TMPRSS15: variants seen among roughly 807,000 people sequenced by gnomAD.
TMPRSS15 encodes the protein transmembrane serine protease 15, also known as enteropeptidase.
TMPRSS15 carries 128 observed loss-of-function variants against 125.3 expected under a neutral mutation model. The ratio of observed to expected loss-of-function variants is 1.02; its 90% confidence interval spans 0.89 to 1.18. TMPRSS15 has a LOEUF of 1.18. Ranked by LOEUF, TMPRSS15 falls within the 50% of genes most tolerant of loss-of-function variation. TMPRSS15 has a pLI of 0.00. For synonymous variants in TMPRSS15, 446 were observed against 423.2 expected (o/e 1.05, Z -0.66); for missense variants, 1,283 against 1,212.7 (o/e 1.06, Z -0.86).
intron 1 of TMPRSS15, among the ~76,000 whole-genome samples, chr21:18,434,966 C>A (rs1464948447): frequency 6.6e-6 from 1 of 151,962 alleles, no homozygotes; most frequent in Non-Finnish European, 1.5e-5. Flanking sequence ...AAATTTTTTT[C>A]ATCCTTGATG....
At chr21:18,318,886 T>A (rs908986506) in intron 16 of TMPRSS15, among the ~76,000 whole-genome samples, 1 of 152,234 alleles carries the variant, frequency 6.6e-6, no homozygotes, top group Admixed American at 6.5e-5. Flanking sequence ...TGGTGAAATG[T>A]CTTTCACAAA....
intron 21 of TMPRSS15, among the ~76,000 whole-genome samples, chr21:18,287,762 A>G (rs568801639): frequency 6.6e-6 from 1 of 152,354 alleles, no homozygotes; most frequent in African/African-American, 2.4e-5. Context: ...ACCTCTAATA[A>G]AGACATAAAT....
In TMPRSS15 at chr21:18,329,285, A is replaced by G. The variant is rs2075321891; in HGVS notation, c.1664T>C (p.Ile555Thr). ...SYPNLAFCVW[I>T]LNAQKGKNIQ... is the part of the protein sequence containing the mutation. ...ATTCTTTCCTTTTTGTGCATTTAAAATCCAAACACCTAAAAAGTAAGAAGT... is the reference window on the plus strand; with the variant it reads ...ATTCTTTCCTTTTTGTGCATTTAAAGTCCAAACACCTAAAAAGTAAGAAGT... The change falls in exon 15 of 25, where the codon ATT (isoleucine) becomes ACT (threonine). Residue 555 changes from isoleucine to threonine, a missense_variant. By Grantham distance (89) the Ile-to-Thr change is moderately conservative (BLOSUM62 -1). Coordinates refer to ENST00000284885, the MANE Select transcript of TMPRSS15 (RefSeq NM_002772.3). 6.2e-7 allele frequency: 1 copy of G among 1,610,034 alleles called. No homozygotes were observed. Among genetic ancestry groups the G allele is most frequent in the Non-Finnish European group, 8.5e-7 (1 of 1,177,822 alleles).
intron 5 of TMPRSS15, among the ~76,000 whole-genome samples, chr21:18,372,556 C>T (rs2075802572): frequency 6.6e-6 from 1 of 152,138 alleles, no homozygotes. Flanking sequence ...CAACATCTAG[C>T]AGCCACTTCA....
At chr21:18,427,339 C>G (rs759751722) in intron 1 of TMPRSS15, among the ~76,000 whole-genome samples, 4 of 147,916 alleles carry the variant, frequency 2.7e-5, no homozygotes, top group Non-Finnish European at 6.0e-5. Flanking sequence ...CTCTAAGCCA[C>G]ACACACTTAT....
chr21:18,478,048 C>T (rs1432557200), intron 1 of TMPRSS15, among the ~76,000 whole-genome samples: 1 of 152,014 alleles, frequency 6.6e-6, no homozygotes, highest in East Asian at 1.9e-4. Flanking sequence ...CTAATCCTAC[C>T]TTGGGTCCGT....
intron 5 of TMPRSS15, among the ~76,000 whole-genome samples, chr21:18,373,575 C>T (rs958089142): frequency 6.6e-6 from 1 of 152,172 alleles, no homozygotes; most frequent in Non-Finnish European, 1.5e-5. Flanking sequence ...GAATCTCATA[C>T]ATGCTTTATA....
intron 1 of TMPRSS15, among the ~76,000 whole-genome samples, chr21:18,452,193 T>C (rs770313103): frequency 2.6e-5 from 4 of 152,126 alleles, no homozygotes; most frequent in Non-Finnish European, 5.9e-5. Context: ...GTTAGTAACA[T>C]ATTTAAGGCA....
rs2122954369 is a variant in TMPRSS15 at position 18,464,107 on chromosome 21, A to AGCTT, written c.10+21688_10+21691dup. Among the ~76,000 whole-genome samples, 535 of 143,832 alleles carry AGCTT rather than the reference A, an allele frequency of 3.7e-3. 2 individuals are homozygous for AGCTT. Among genetic ancestry groups the AGCTT allele is most frequent in the African/African-American group, 0.013 (517 of 39,108 alleles). 94.4% of individuals were successfully genotyped at this position (143,832 alleles called of 152,430 possible). ...AGAATGGCATGAACCCGGGAGGCAG[A>AGCTT]GCTTGCAGTGAGCTGAGATCGTGCC... On this transcript the variant is annotated intron_variant, in intron 1 of 7. Transcript: ENST00000422787.
At chr21:18,381,614 A>G (rs2824788) in intron 4 of TMPRSS15, among the ~76,000 whole-genome samples, 16,441 of 152,182 alleles carry the variant, frequency 0.11, 951 homozygotes, top group African/African-American at 0.13. Flanking sequence ...TACATTTGTG[A>G]TACTAATTCT....
At chr21:18,467,398 AG>A (rs1703699213) in intron 1 of TMPRSS15, among the ~76,000 whole-genome samples, 2 of 150,072 alleles carry the variant, frequency 1.3e-5, no homozygotes, top group Non-Finnish European at 2.9e-5. Context: ...CAGAATGAAA[AG>A]TATAATAATA....
rs942549836 is a variant in TMPRSS15 at position 18,326,522 on chromosome 21, T to C, written c.1831A>G (p.Arg611Gly). The change falls in exon 16 of 25, where the codon AGA becomes GGA. Residue 611 changes from arginine to glycine, a missense_variant. Physicochemically the swap from Arg to Gly is moderately radical, Grantham distance 125. Transcript: ENST00000284885. ...TTAGTGATGAGAAGCACAGTCATTC[T>C]GTTGGTGGTAGAGAACACATCCTTT... ...PVKDVFSTTN[R>G]MTVLLITNDV... 2 of 1,614,184 alleles carry C rather than the reference T, an allele frequency of 1.2e-6. No individual in the cohort carries two copies. Among genetic ancestry groups the C allele is most frequent in the Non-Finnish European group, 1.7e-6 (2 of 1,179,994 alleles).
chr21:18,337,624 T>C (rs1421262704), intron 13 of TMPRSS15, among the ~76,000 whole-genome samples: 2 of 152,156 alleles, frequency 1.3e-5, no homozygotes, highest in African/African-American at 4.8e-5. Context: ...AAAGCCGAAC[T>C]TACATTTCCT....
At chr21:18,402,953 A>T (rs913834688) in intron 1 of TMPRSS15, among the ~76,000 whole-genome samples, 2 of 152,128 alleles carry the variant, frequency 1.3e-5, no homozygotes, top group African/African-American at 2.4e-5. Flanking sequence ...GTTGCTACTC[A>T]GTTTGTGACC....
intron 18 of TMPRSS15, among the ~76,000 whole-genome samples, chr21:18,299,861 C>T (rs564691784): frequency 2.0e-5 from 3 of 152,250 alleles, no homozygotes; most frequent in African/African-American, 7.2e-5. Context: ...GGGTAGGGTC[C>T]GGCTATCTGT....
upstream of TMPRSS15, among the ~76,000 whole-genome samples, chr21:18,406,944 T>C (rs2076153438): frequency 6.6e-6 from 1 of 152,184 alleles, no homozygotes; most frequent in Non-Finnish European, 1.5e-5. Context: ...TAAAATGTTA[T>C]ACACAAGTTT....
chr21:18,450,640 A>T (rs2076266197), intron 1 of TMPRSS15, among the ~76,000 whole-genome samples: 1 of 152,102 alleles, frequency 6.6e-6, no homozygotes, highest in African/African-American at 2.4e-5. Context: ...CAAGGGAAGG[A>T]GTTCAATACC....
chr21:18,441,390 A>C (rs1161792431), intron 1 of TMPRSS15, among the ~76,000 whole-genome samples: 1 of 151,892 alleles, frequency 6.6e-6, no homozygotes, highest in Non-Finnish European at 1.5e-5. Context: ...GCAGATCATG[A>C]GGTCAGGAGA....
intron 1 of TMPRSS15, among the ~76,000 whole-genome samples, chr21:18,480,943 G>T (rs1978969574): frequency 6.6e-6 from 1 of 151,728 alleles, no homozygotes; most frequent in Non-Finnish European, 1.5e-5. Context: ...AAGAGCAAAA[G>T]GGAACAACTT....
Sources: gnomAD v4.1 joint callset for allele counts (sites outside exome capture counted in the v4.1 genomes callset) on GRCh38, gnomAD v4.1.1 for gene constraint, MANE v1.5 for transcripts, NCBI Gene and HGNC (gene_info 2026-07-23, HGNC 2026-07-21) for gene names.